CC2D2A: variants seen among roughly 807,000 people sequenced by gnomAD.
The protein encoded by CC2D2A is coiled-coil and C2 domain containing 2A.
Under a neutral mutation model 212.9 loss-of-function variants are expected in CC2D2A, and 155 were observed. The observed-to-expected ratio is 0.73, with a 90% CI of 0.64 to 0.83. CC2D2A has a LOEUF of 0.83. CC2D2A is among the 40% of genes least tolerant of loss of function. The pLI is 0.00. For missense variants in CC2D2A, 1,856 were observed against 1,956.2 expected, an observed-to-expected ratio of 0.95 and a Z score of 0.97; for synonymous variants, 667 against 686.5, an observed-to-expected ratio of 0.97 and a Z score of 0.44.
chr4:15,586,284 T>C, intron 31 of CC2D2A, 38 bp downstream of exon 31: 2 of 1,291,460 alleles, frequency 1.5e-6, no homozygotes, highest in South Asian at 3.1e-5. Flanking sequence ...AAACTTGAGC[T>C]GACTTAATGA....
At chr4:15,527,384 A>G in intron 11 of CC2D2A, 63 bp from the exon 12 acceptor site, 1 of 1,234,940 alleles carries the variant, frequency 8.1e-7, no homozygotes, top group Non-Finnish European at 1.2e-6. Context: ...ATTGTGGATT[A>G]GAGAATCATT....
chr4:15,565,714 T>G (rs1719850192), intron 24 of CC2D2A, among the ~76,000 whole-genome samples: 1 of 152,130 alleles, frequency 6.6e-6, no homozygotes, highest in African/African-American at 2.4e-5. Flanking sequence ...GCTCAAGAGA[T>G]CCTCCTCCCT....
At chr4:15,579,673 T>C (rs1426870375) in intron 29 of CC2D2A, among the ~76,000 whole-genome samples, 47 of 152,218 alleles carry the variant, frequency 3.1e-4, no homozygotes, top group Admixed American at 3.1e-3. Context: ...TCAGAATTAG[T>C]ACATCACAGT....
Position 15,511,315 on chromosome 4 carries a change from A to G in CC2D2A, c.609A>G (p.Pro203=), listed in dbSNP as rs1339472890. 7 of 1,602,490 alleles carry G rather than the reference A, an allele frequency of 4.4e-6. No homozygotes were observed. The highest frequency in any genetic ancestry group is 6.0e-6 in the Non-Finnish European group (7 of 1,175,682). Residue 203 remains proline, a synonymous_variant, in exon 8 of 37, where the codon CCA becomes CCG. Transcript: ENST00000424120. The part of the protein sequence containing the change: ...NFFTFNFDPE[P]EGSEEKPKAR... ...TTACTTTCAACTTTGATCCCGAACC[A>G]GAAGGATCAGAGGAAAAACCAAAAG...
intron 4 of CC2D2A, chr4:15,481,871 C>A (rs755939310): frequency 2.0e-6 from 2 of 985,256 alleles, no homozygotes; most frequent in East Asian, 2.3e-4. Context: ...AGGCTTGAAT[C>A]AGATGTTTGG....
At chr4:15,523,271 T>C (rs1717318189) in intron 11 of CC2D2A, among the ~76,000 whole-genome samples, 1 of 152,210 alleles carries the variant, frequency 6.6e-6, no homozygotes, top group South Asian at 2.1e-4. Context: ...TTAGCTGTGC[T>C]AAATTCTGGG....
At chr4:15,509,574 A>T (rs1716444611) in intron 6 of CC2D2A, among the ~76,000 whole-genome samples, 1 of 152,110 alleles carries the variant, frequency 6.6e-6, no homozygotes, top group South Asian at 2.1e-4. Flanking sequence ...GCATCTGGAC[A>T]ACAGTTTTCA....
At chr4:15,543,620 A>C (rs1174538780) in intron 17 of CC2D2A, 2 of 152,242 alleles carry the variant, frequency 1.3e-5, no homozygotes, top group Non-Finnish European at 2.9e-5. Context: ...GGAGAGGAGA[A>C]CTGGGGCAGC....
In CC2D2A at chr4:15,470,677, CTCTCTCTCTCTCTATATATATATATA is replaced by C. The variant is rs1414218595; in HGVS notation, c.-19+622_-19+647del. 2.6e-3 allele frequency among the ~76,000 whole-genome samples: 204 copies of C among 77,188 alleles called. 1 individual carries two copies. Among genetic ancestry groups the C allele is most frequent in the Non-Finnish European group, 3.9e-3 (162 of 41,354 alleles). 50.6% of individuals were successfully genotyped at this position (77,188 alleles called of 152,430 possible). A position where few individuals can be genotyped will look rare whatever the true frequency, so the allele number is the denominator to read the frequency against. On this transcript the variant is annotated intron_variant, in intron 1 of 36. Coordinates refer to ENST00000424120, the MANE Select transcript of CC2D2A (RefSeq NM_001378615.1). ...TCTCTCTCTCTCTCTCTCTCTCTCT[CTCTCTCTCTCTCTATATATATATATA>C]TATATATATATATATATATATATAT...
chr4:15,503,424 T>C (rs1716078228), intron 6 of CC2D2A, among the ~76,000 whole-genome samples: 1 of 152,226 alleles, frequency 6.6e-6, no homozygotes, highest in African/African-American at 2.4e-5. Context: ...ATTATTTTCA[T>C]TCACATTTAA....
At chr4:15,504,853 A>G (rs1393154632) in intron 6 of CC2D2A, among the ~76,000 whole-genome samples, 1 of 152,208 alleles carries the variant, frequency 6.6e-6, no homozygotes, top group African/African-American at 2.4e-5. Flanking sequence ...CAAATCCAGA[A>G]GGAATATCTA....
chr4:15,552,965 A>G (rs765219110), intron 18 of CC2D2A, among the ~76,000 whole-genome samples, 193 bp from the exon 19 acceptor site: 2 of 152,252 alleles, frequency 1.3e-5, no homozygotes, highest in Non-Finnish European at 2.9e-5. Flanking sequence ...ACTCTCTGCC[A>G]TCAGAGACAG....
intron 11 of CC2D2A, chr4:15,519,634 A>G (rs1420798173): frequency 9.3e-6 from 4 of 430,916 alleles, no homozygotes; most frequent in South Asian, 7.0e-5. Context: ...ATGGCTGGGG[A>G]GGCCTCACAA....
At chr4:15,541,336 AATT>A (rs201736850) in intron 17 of CC2D2A, among the ~76,000 whole-genome samples, 2,389 of 151,388 alleles carry the variant, frequency 0.016, 31 homozygotes, top group African/African-American at 0.031. Flanking sequence ...TAGTAATAAT[AATT>A]ATTATTATTA....
intron 27 of CC2D2A, among the ~76,000 whole-genome samples, 152 bp downstream of exon 27, chr4:15,569,541 T>G (rs376069556): frequency 6.6e-6 from 1 of 152,172 alleles, no homozygotes. Context: ...GAGTCCACAG[T>G]GCAAAGCAAA....
chr4:15,553,380 T>A, intron 19 of CC2D2A, 75 bp downstream of exon 19: 1 of 1,481,242 alleles, frequency 6.8e-7, no homozygotes, highest in South Asian at 1.2e-5. Flanking sequence ...AAAGAAAGCT[T>A]GCAGTATCAT....
intron 32 of CC2D2A, among the ~76,000 whole-genome samples, chr4:15,588,996 GA>G (rs1006010392): frequency 7.9e-5 from 12 of 151,874 alleles, no homozygotes; most frequent in Middle Eastern, 3.4e-3. Context: ...CTTGTCAGAA[GA>G]TCCAGAATAC....
intron 11 of CC2D2A, among the ~76,000 whole-genome samples, chr4:15,520,713 G>A (rs560491488): frequency 1.4e-4 from 21 of 152,238 alleles, no homozygotes; most frequent in African/African-American, 2.9e-4. Context: ...CATTTCTCAC[G>A]AATTAGGTTC....
intron 33 of CC2D2A, among the ~76,000 whole-genome samples, 163 bp downstream of exon 33, chr4:15,589,842 C>G (rs28661857): frequency 6.7e-6 from 1 of 150,050 alleles, no homozygotes; most frequent in African/African-American, 2.4e-5. Flanking sequence ...CAGTGTCAAG[C>G]ACAGTGGCGG....
Sources: allele counts gnomAD v4.1 joint callset (sites outside exome capture counted in the v4.1 genomes callset), GRCh38; gene constraint gnomAD v4.1.1; transcripts MANE v1.5; gene names NCBI Gene and HGNC (gene_info 2026-07-23, HGNC 2026-07-21).